LACTB: variants seen among roughly 807,000 people sequenced by gnomAD.
LACTB encodes lactamase beta.
LACTB carries 35 observed loss-of-function variants against 50.2 expected under a neutral mutation model. The observed-to-expected ratio is 0.70, with a 90% CI of 0.53 to 0.92. The LOEUF (loss-of-function observed/expected upper bound fraction) is 0.92, where lower values mean the gene tolerates loss of function less well. LACTB is among the 40% of genes least tolerant of loss of function. The probability of loss-of-function intolerance (pLI) is 0.00; values close to 1 mark genes in which losing one functional copy is unlikely to be tolerated. For missense variants in LACTB, 664 were observed against 691.8 expected, an observed-to-expected ratio of 0.96 and a Z score of 0.45; for synonymous variants, 252 against 268.2, an observed-to-expected ratio of 0.94 and a Z score of 0.59.
At chr15:63,131,856 G>A (rs1415848583) in intron 5 of LACTB, among the ~76,000 whole-genome samples, 1 of 151,894 alleles carries the variant, frequency 6.6e-6, no homozygotes, top group Non-Finnish European at 1.5e-5. Context: ...GAGGTGGGAG[G>A]ATTGTTTGAT....
At position 63,127,452 on chromosome 15, in the gene LACTB, T is replaced by C; in HGVS notation, c.715T>C (p.Leu239=). Residue 239 remains leucine (L), a synonymous_variant, in exon 4 of 6, where the codon TTG becomes CTG. Coordinates refer to ENST00000261893, the MANE Select transcript of LACTB (RefSeq NM_032857.5). ...KVKEEKAYKA[L]KMMKENVAFE... is the part of the protein sequence containing the mutation. ...GAAAGAAGAGAAAGCTTATAAAGCC[T>C]TGAAGATGATGAAAGAGAATGTTGC... 1 of 1,612,206 alleles carries C rather than the reference T, an allele frequency of 6.2e-7. No individual in the cohort carries two copies. Among genetic ancestry groups the C allele is most frequent in the Non-Finnish European group, 8.5e-7 (1 of 1,178,986 alleles).
At chr15:63,125,617 TTA>T (rs2037042714) in intron 2 of LACTB, among the ~76,000 whole-genome samples, 1 of 152,138 alleles carries the variant, frequency 6.6e-6, no homozygotes, top group South Asian at 2.1e-4. Context: ...ATATTTAAGA[TTA>T]TACAAATTTA....
intron 4 of LACTB, among the ~76,000 whole-genome samples, chr15:63,128,192 T>G (rs2037080037): frequency 6.6e-6 from 1 of 152,240 alleles, no homozygotes; most frequent in South Asian, 2.1e-4. Flanking sequence ...TTTACCATAG[T>G]TTGATATACT....
intron 5 of LACTB, among the ~76,000 whole-genome samples, chr15:63,138,757 G>A (rs369972715): frequency 6.6e-6 from 1 of 151,898 alleles, no homozygotes; most frequent in African/African-American, 2.4e-5. Context: ...GGAAGTTACA[G>A]AGCTGGGCGC....
chr15:63,129,987 T>G (rs1489455444), intron 5 of LACTB: 2 of 168,824 alleles, frequency 1.2e-5, no homozygotes, highest in African/African-American at 4.7e-5. Flanking sequence ...TAGTTTTTAA[T>G]TGTTTTCATA....
chr15:63,132,470 C>T (rs2037142609), intron 5 of LACTB, among the ~76,000 whole-genome samples: 1 of 152,130 alleles, frequency 6.6e-6, no homozygotes, highest in South Asian at 2.1e-4. Flanking sequence ...CATTAAAATG[C>T]TCTTCTTATT....
chr15:63,139,710 G>GT (rs773916056), intron 5 of LACTB, among the ~76,000 whole-genome samples: 2 of 152,072 alleles, frequency 1.3e-5, no homozygotes, highest in Non-Finnish European at 2.9e-5. Context: ...GGCAGCACGT[G>GT]TAATCCCAGC....
At position 63,122,163 on chromosome 15, in the gene LACTB, C is replaced by T. The variant is rs2036981762; in HGVS notation, c.292C>T (p.Pro98Ser). The change falls in exon 1 of 6, where the codon CCG becomes TCG. Residue 98 changes from proline (P) to serine (S), a missense_variant. Coordinates refer to ENST00000261893, the MANE Select transcript of LACTB (RefSeq NM_032857.5). ...LAPWSPQTPAPPCSRCFARAI... is the reference protein window; with the variant it reads ...LAPWSPQTPASPCSRCFARAI... ...CCCGTGGTCTCCGCAGACCCCGGCG[C>T]CGCCCTGCTCCAGGTGCTTCGCCAG... 10 of 1,517,488 alleles carry T rather than the reference C, an allele frequency of 6.6e-6. No individual in the cohort carries two copies. Among genetic ancestry groups the T allele is most frequent in the Non-Finnish European group, 8.8e-6 (10 of 1,140,490 alleles). 94.0% of individuals were successfully genotyped at this position (1,517,488 alleles called of 1,614,324 possible).
At chr15:63,130,994 C>T (rs368392011) in intron 5 of LACTB, 7 of 152,224 alleles carry the variant, frequency 4.6e-5, no homozygotes, top group East Asian at 1.9e-4. Context: ...AGTTGGCATT[C>T]TATTATAAGA....
intron 5 of LACTB, among the ~76,000 whole-genome samples, chr15:63,134,578 C>G (rs1197695011): frequency 2.0e-5 from 3 of 152,154 alleles, no homozygotes; most frequent in East Asian, 3.8e-4. Context: ...TCCAGACTTG[C>G]AAGTGTCACA....
chr15:63,124,066 A>C (rs2037015108), intron 2 of LACTB, among the ~76,000 whole-genome samples: 1 of 152,074 alleles, frequency 6.6e-6, no homozygotes, highest in South Asian at 2.1e-4. Context: ...CTACCGCTAG[A>C]CCACGGTCCG....
chr15:63,129,608 C>G lies in LACTB; in HGVS notation c.1076C>G (p.Thr359Ser). ...KIFHDLDMLT[T>S]VQEENEPVIY... ...TTCCATGACTTGGATATGCTGACGACTGTGCAGGAAGAAAACGAGCCAGTG... is the reference window on the plus strand; with the variant it reads ...TTCCATGACTTGGATATGCTGACGAGTGTGCAGGAAGAAAACGAGCCAGTG... The change falls in exon 5 of 6, where the codon ACT becomes AGT. Residue 359 changes from threonine to serine, a missense_variant. Transcript: ENST00000261893. 6.2e-7 allele frequency: 1 copy of G among 1,611,978 alleles called. No homozygotes were observed. The highest frequency in any genetic ancestry group is 1.1e-5 in the South Asian group (1 of 90,652).
At chr15:63,138,142 A>G in intron 5 of LACTB, among the ~76,000 whole-genome samples, 1 of 152,100 alleles carries the variant, frequency 6.6e-6, no homozygotes, top group South Asian at 2.1e-4. Context: ...CCTAAGCAAC[A>G]TGGCAAAACC....
At position 63,127,062 on chromosome 15, in the gene LACTB, A is replaced by G. The variant is rs775667813; in HGVS notation, c.615+13A>G. 1.3e-6 allele frequency: 2 copies of G among 1,555,686 alleles called. No homozygotes were observed. The highest frequency in any genetic ancestry group is 1.2e-5 in the South Asian group (1 of 85,708). On this transcript the variant is annotated intron_variant, in intron 3 of 5. Transcript: ENST00000261893. The stretch of plus-strand genomic sequence containing the variant: ...TGAAGGTGAAAAGGTACTGAAACTC[A>G]CAGTTCATTTTACTAATGGCATGTT...
chr15:63,136,337 T>C (rs2037177064), intron 5 of LACTB, among the ~76,000 whole-genome samples: 1 of 152,218 alleles, frequency 6.6e-6, no homozygotes, highest in African/African-American at 2.4e-5. Context: ...CTCATTTTAT[T>C]TTCTATTCTT....
Position 63,127,344 on chromosome 15 carries a change from T to C in LACTB, c.616-9T>C. The C allele has an allele frequency of 6.5e-7, 1 of 1,529,296 alleles. No homozygotes were observed. The highest frequency in any genetic ancestry group is 8.8e-7 in the Non-Finnish European group (1 of 1,136,280). The allele number at this position is 1,529,296 out of a possible 1,614,324, so 94.7% of individuals were successfully genotyped here. The stretch of plus-strand genomic sequence containing the variant: ...TATTGTAATTGAATTTTCATGTTTT[T>C]ACAATTAGGTTTCTGTCACAACAAG... On this transcript the variant is annotated splice_polypyrimidine_tract_variant and intron_variant, in intron 3 of 5. Coordinates refer to ENST00000261893, the MANE Select transcript of LACTB (RefSeq NM_032857.5).
At chr15:63,136,683 G>C (rs2037180909) in intron 5 of LACTB, among the ~76,000 whole-genome samples, 1 of 152,054 alleles carries the variant, frequency 6.6e-6, no homozygotes, top group South Asian at 2.1e-4. Context: ...TTTTGGGGGA[G>C]TTCAGGGAGT....
intron 2 of LACTB, among the ~76,000 whole-genome samples, chr15:63,125,537 T>A (rs1319835339): frequency 1.3e-5 from 2 of 152,210 alleles, no homozygotes; most frequent in Non-Finnish European, 2.9e-5. Flanking sequence ...TATACCTAAT[T>A]TATGATAAGT....
rs1470426566 is a variant in LACTB, at chr15:63,127,583, G to A, written c.846G>A (p.Lys282=). Residue 282 remains lysine (K), a synonymous_variant, in exon 4 of 6, where the codon AAG becomes AAA. Coordinates refer to ENST00000261893, the MANE Select transcript of LACTB (RefSeq NM_032857.5). ...AATGCCGGAATTCAAAACCTGGCAAGAAAAAGAATGATTTTGAACAAGGCG... is the reference window on the plus strand; with the variant it reads ...AATGCCGGAATTCAAAACCTGGCAAAAAAAAGAATGATTTTGAACAAGGCG... ...EAKCRNSKPG[K]KKNDFEQGEL... is the part of the protein sequence containing the mutation. 1 of 1,613,442 alleles carries A rather than the reference G, an allele frequency of 6.2e-7. No individual in the cohort carries two copies. The highest frequency in any genetic ancestry group is 1.1e-5 in the South Asian group (1 of 91,048).
Sources: allele counts gnomAD v4.1 joint callset (sites outside exome capture counted in the v4.1 genomes callset), GRCh38; gene constraint gnomAD v4.1.1; transcripts MANE v1.5; gene names NCBI Gene and HGNC (gene_info 2026-07-23, HGNC 2026-07-21).